Variants in OR51B5 observed in about 807,000 individuals in gnomAD.
The protein encoded by OR51B5 is olfactory receptor 51B5.
For missense variants in OR51B5, 456 were observed against 374.6 expected, an observed-to-expected ratio of 1.22 and a Z score of -1.79; for synonymous variants, 186 against 144.8, an observed-to-expected ratio of 1.28 and a Z score of -2.04.
At chr11:5,468,589 G>A (rs1340892178) in intron 1 of OR51B5, 2 of 445,540 alleles carry the variant, frequency 4.5e-6, no homozygotes, top group Admixed American at 4.8e-5. Flanking sequence ...AAAGAGACAT[G>A]AACTTGTGCA....
intron 1 of OR51B5, among the ~76,000 whole-genome samples, chr11:5,493,724 G>A (rs925170868): frequency 1.3e-5 from 2 of 152,122 alleles, no homozygotes; most frequent in Admixed American, 6.6e-5. Context: ...TTTTATGGTG[G>A]TGGATGCATC....
At chr11:5,373,872 T>G (rs1849481366) in intron 1 of OR51B5, among the ~76,000 whole-genome samples, 1 of 152,148 alleles carries the variant, frequency 6.6e-6, no homozygotes, top group Non-Finnish European at 1.5e-5. Context: ...GAGGCCTGCC[T>G]GCCTCTGTAG....
upstream of OR51B5, among the ~76,000 whole-genome samples, chr11:5,344,410 C>G (rs886931620): frequency 1.7e-4 from 26 of 152,150 alleles, no homozygotes; most frequent in African/African-American, 6.3e-4. Context: ...ATTTCAAGTT[C>G]TCCATTTATA....
chr11:5,360,081 T>G (rs1260587959), intron 1 of OR51B5, among the ~76,000 whole-genome samples: 1 of 152,038 alleles, frequency 6.6e-6, no homozygotes, highest in African/African-American at 2.4e-5. Flanking sequence ...GACATAGGCA[T>G]GGGCAAGGAC....
At chr11:5,472,984 G>T (rs1352634947) in intron 1 of OR51B5, among the ~76,000 whole-genome samples, 1 of 152,158 alleles carries the variant, frequency 6.6e-6, no homozygotes, top group Admixed American at 6.5e-5. Context: ...CTCAGTTTTG[G>T]CAAGCTGATA....
At position 5,358,059 on chromosome 11, in the gene OR51B5, C is replaced by A. The variant is rs1490311533; in HGVS notation, n.85-11149G>T. 1.3e-5 allele frequency among the ~76,000 whole-genome samples: 2 copies of A among 151,666 alleles called. 1 individual carries two copies. The highest frequency in any genetic ancestry group is 4.2e-4 in the South Asian group (2 of 4,806). On this transcript the variant is annotated intron_variant and non_coding_transcript_variant, in intron 1 of 4. Coordinates refer to the OR51B5 transcript ENST00000415970. ...AAGCAGGAAAGATCTAAAATTGACA[C>A]CCTAACATCACAATTAAAAGAACTA...
chr11:5,361,541 C>A (rs12802792), intron 1 of OR51B5, among the ~76,000 whole-genome samples: 59,851 of 151,744 alleles, frequency 0.39, 11,999 homozygotes, highest in African/African-American at 0.42. Context: ...CTAGAGGCTC[C>A]GCATAGGAAT....
In OR51B5 at chr11:5,354,768, G is replaced by A; in HGVS notation, n.85-7858C>T. On this transcript the variant is annotated intron_variant and non_coding_transcript_variant, in intron 1 of 4. Transcript: ENST00000415970. ...GCCACTCACAGGAAAACGTCCTCCA[G>A]AAGCCAGGGAAAGCTGCTGAGACAA... 4 of 188,032 alleles carry A rather than the reference G, an allele frequency of 2.1e-5. No individual in the cohort carries two copies. The South Asian group carries it at 4.0e-4, about 19-fold the overall frequency. 11.6% of individuals were successfully genotyped at this position (188,032 alleles called of 1,614,324 possible). A position where few individuals can be genotyped will look rare whatever the true frequency, so the allele number is the denominator to read the frequency against.
intron 1 of OR51B5, among the ~76,000 whole-genome samples, chr11:5,365,502 T>G (rs1212310089): frequency 7.2e-6 from 1 of 139,570 alleles, no homozygotes; most frequent in East Asian, 1.9e-4. Context: ...CATTTTCCTG[T>G]CTATGCACAG....
At chr11:5,479,851 G>C (rs12288823) in intron 1 of OR51B5, among the ~76,000 whole-genome samples, 4,463 of 141,872 alleles carry the variant, frequency 0.031, 212 homozygotes, top group African/African-American at 0.11. Context: ...GGAGCACCCA[G>C]ATTCATAAAG....
intron 1 of OR51B5, among the ~76,000 whole-genome samples, chr11:5,358,945 C>T (rs917979539): frequency 3.3e-5 from 5 of 150,688 alleles, no homozygotes; most frequent in Non-Finnish European, 7.4e-5. Context: ...ATTCAACAAC[C>T]CTTCATGCTA....
intron 1 of OR51B5, among the ~76,000 whole-genome samples, chr11:5,409,358 G>A (rs780365435): frequency 2.0e-5 from 3 of 152,022 alleles, no homozygotes; most frequent in Non-Finnish European, 4.4e-5. Context: ...CACACCAGCA[G>A]AACAGAAAAG....
chr11:5,375,310 A>C (rs1447706558), intron 1 of OR51B5, among the ~76,000 whole-genome samples: 4 of 151,734 alleles, frequency 2.6e-5, no homozygotes, highest in Admixed American at 6.6e-5. Flanking sequence ...ACCAGGCCTG[A>C]CCTAAAAGAG....
At position 5,384,637 on chromosome 11, in the gene OR51B5, G is replaced by A. The variant is rs150619539; in HGVS notation, n.85-37727C>T. 2.2e-3 allele frequency among the ~76,000 whole-genome samples: 329 copies of A among 152,240 alleles called. 10 individuals are homozygous for A. In the East Asian group the frequency reaches 0.052, roughly 24 times the overall value. On this transcript the variant is annotated intron_variant and non_coding_transcript_variant, in intron 1 of 4. Coordinates refer to the OR51B5 transcript ENST00000415970. Reference sequence around the variant, plus strand: ...TCTGGTCTCTATACTCTTTCCTGCCGAGCCATCTGGTATACACACCCTCTC... The same window carrying A: ...TCTGGTCTCTATACTCTTTCCTGCCAAGCCATCTGGTATACACACCCTCTC...
chr11:5,432,305 A>G (rs1477563526), intron 1 of OR51B5, among the ~76,000 whole-genome samples: 2 of 152,220 alleles, frequency 1.3e-5, no homozygotes, highest in Non-Finnish European at 2.9e-5. Flanking sequence ...AAGACAGCAT[A>G]GCTTAAAAAT....
intron 1 of OR51B5, among the ~76,000 whole-genome samples, chr11:5,460,480 A>ACC (rs1554894274): frequency 4.9e-4 from 2 of 4,080 alleles, no homozygotes; most frequent in African/African-American, 6.8e-4. Context: ...TCATCTTTCA[A>ACC]CTCGAGTCAT....
intron 1 of OR51B5, chr11:5,351,818 C>A (rs1032740425): frequency 1.2e-6 from 2 of 1,613,974 alleles, no homozygotes; most frequent in African/African-American, 1.3e-5. Flanking sequence ...TTTATCCATA[C>A]TCTTTCTGTC....
chr11:5,441,051 A>T, intron 1 of OR51B5: 2 of 1,614,036 alleles, frequency 1.2e-6, no homozygotes, highest in Non-Finnish European at 1.7e-6. Context: ...GAGAGTGGTG[A>T]AACTCTTGGT....
intron 1 of OR51B5, among the ~76,000 whole-genome samples, chr11:5,471,543 G>A (rs1164119487): frequency 6.6e-6 from 1 of 151,460 alleles, no homozygotes; most frequent in Non-Finnish European, 1.5e-5. Context: ...GTCTGAGGCA[G>A]TAGAATCCCT....
Sources: allele counts gnomAD v4.1 joint callset (sites outside exome capture counted in the v4.1 genomes callset), GRCh38; gene constraint gnomAD v4.1.1; transcripts MANE v1.5; gene names NCBI Gene and HGNC (gene_info 2026-07-23, HGNC 2026-07-21).